The following FAM184A variants were observed in gnomAD, a reference collection of about 807,000 sequenced individuals.
The protein encoded by FAM184A is family with sequence similarity 184 member A, also known as protein FAM184A.
Under a neutral mutation model 143.8 loss-of-function variants are expected in FAM184A, and 99 were observed. The observed-to-expected ratio is 0.69, with a 90% CI of 0.58 to 0.81. The LOEUF (loss-of-function observed/expected upper bound fraction) is 0.81, where lower values mean the gene tolerates loss of function less well. Ranked by LOEUF, FAM184A falls within the 40% of genes least tolerant of loss-of-function variation. The pLI, the probability that FAM184A is intolerant of heterozygous loss-of-function variation, is 0.00. For missense variants in FAM184A, 1,217 were observed against 1,310.5 expected, an observed-to-expected ratio of 0.93 and a Z score of 1.10; for synonymous variants, 427 against 446.4, an observed-to-expected ratio of 0.96 and a Z score of 0.55.
chr6:119,011,183 T>C, intron 6 of FAM184A, 126 bp downstream of exon 6: 1 of 784,886 alleles, frequency 1.3e-6, no homozygotes, highest in Non-Finnish European at 1.9e-6. Flanking sequence ...CCAATTAAAG[T>C]TTTTAAATTA....
At chr6:118,981,175 T>C (rs1173320684) in intron 9 of FAM184A, among the ~76,000 whole-genome samples, 1 of 152,182 alleles carries the variant, frequency 6.6e-6, no homozygotes, top group East Asian at 1.9e-4. Flanking sequence ...AAATTAAGTA[T>C]TTTGGGAAGA....
At chr6:119,076,844 T>G (rs1441801126) in intron 1 of FAM184A, among the ~76,000 whole-genome samples, 1 of 152,200 alleles carries the variant, frequency 6.6e-6, no homozygotes, top group Non-Finnish European at 1.5e-5. Context: ...TAGATTTTCC[T>G]TTCTCTGAAT....
intron 1 of FAM184A, among the ~76,000 whole-genome samples, chr6:119,110,531 C>T (rs1334054297): frequency 2.0e-5 from 3 of 151,360 alleles, no homozygotes; most frequent in Non-Finnish European, 2.9e-5. Flanking sequence ...TATTTGTAGG[C>T]AAAAAAGTGA....
At chr6:119,136,300 A>AC (rs1471364128) in intron 1 of FAM184A, among the ~76,000 whole-genome samples, 2 of 151,606 alleles carry the variant, frequency 1.3e-5, no homozygotes, top group African/African-American at 4.8e-5. Flanking sequence ...AAAAAAAAAA[A>AC]AAAAAAAGAA....
chr6:119,117,887 T>A (rs183370722), intron 1 of FAM184A, among the ~76,000 whole-genome samples: 8 of 151,962 alleles, frequency 5.3e-5, no homozygotes, highest in African/African-American at 1.9e-4. Flanking sequence ...CAGGCAGGGG[T>A]GGGGGTATCC....
At chr6:119,105,037 C>T (rs1037896438) in intron 1 of FAM184A, among the ~76,000 whole-genome samples, 1 of 152,034 alleles carries the variant, frequency 6.6e-6, no homozygotes, top group Non-Finnish European at 1.5e-5. Context: ...TTGAGGCCAT[C>T]AAAGCCAAGG....
At chr6:119,075,052 T>A (rs1787825336) in intron 1 of FAM184A, among the ~76,000 whole-genome samples, 1 of 152,248 alleles carries the variant, frequency 6.6e-6, no homozygotes, top group African/African-American at 2.4e-5. Context: ...TATATTGAGC[T>A]TTGCTATGGG....
At chr6:119,096,002 C>G (rs911378480) in intron 1 of FAM184A, among the ~76,000 whole-genome samples, 1 of 152,108 alleles carries the variant, frequency 6.6e-6, no homozygotes, top group Admixed American at 6.5e-5. Flanking sequence ...TGGACTTTGG[C>G]AAGATTCTTC....
intron 7 of FAM184A, chr6:119,005,243 C>T (rs1784885262): frequency 1.3e-5 from 2 of 151,974 alleles, no homozygotes; most frequent in South Asian, 4.2e-4. Flanking sequence ...TATATTAACA[C>T]TGTCATATCA....
intron 9 of FAM184A, among the ~76,000 whole-genome samples, chr6:119,000,535 CT>C (rs1362499204): frequency 6.6e-6 from 1 of 152,114 alleles, no homozygotes; most frequent in Non-Finnish European, 1.5e-5. Context: ...AAATTTTATG[CT>C]TTTAATGCTC....
In FAM184A at chr6:118,980,242, G is replaced by T. The variant is rs762127549; in HGVS notation, c.2197C>A (p.Leu733Ile). 33 of 1,613,918 alleles carry T rather than the reference G, an allele frequency of 2.0e-5. No homozygotes were observed. The highest frequency in any genetic ancestry group is 2.8e-5 in the Non-Finnish European group (33 of 1,179,992). The part of the protein sequence containing the change: ...TQERQRLTQE[L>I]EELEEQHQQR... Reference sequence around the variant, plus strand: ...TGATGTTGCTCCTCTAATTCTTCAAGCTCTTGCGTAAGCCGCTGTCGTTCT... The same window carrying T: ...TGATGTTGCTCCTCTAATTCTTCAATCTCTTGCGTAAGCCGCTGTCGTTCT... Residue 733 changes from leucine to isoleucine, a missense_variant, in exon 10 of 18, where the codon CTT (leucine) becomes ATT (isoleucine). By Grantham distance (5) the Leu-to-Ile change is conservative. Transcript: ENST00000338891.
At chr6:118,998,055 G>A (rs924132271) in intron 9 of FAM184A, among the ~76,000 whole-genome samples, 1 of 152,066 alleles carries the variant, frequency 6.6e-6, no homozygotes, top group African/African-American at 2.4e-5. Flanking sequence ...CTCTATGATT[G>A]TAAAATCAAT....
chr6:119,136,069 G>C (rs1358375469), intron 1 of FAM184A, among the ~76,000 whole-genome samples: 1 of 149,790 alleles, frequency 6.7e-6, no homozygotes, highest in African/African-American at 2.4e-5. Context: ...ATGAGGTCAG[G>C]AGATCGAGAC....
In FAM184A at chr6:119,068,622, C is replaced by T. The variant is rs540650623; in HGVS notation, c.159+9519G>A. On this transcript the variant is annotated intron_variant, in intron 1 of 17. Coordinates refer to ENST00000338891, the MANE Select transcript of FAM184A (RefSeq NM_024581.6). ...CTAACTTACTGAACCACACCTCTGA[C>T]CCATATGATGGGCACTGCTGCCTCA... Among the ~76,000 whole-genome samples, 12 of 152,306 alleles carry T rather than the reference C, an allele frequency of 7.9e-5. No homozygotes were observed. In the South Asian group the frequency reaches 2.5e-3, roughly 32 times the overall value.
intron 1 of FAM184A, among the ~76,000 whole-genome samples, chr6:119,049,737 G>A (rs779872367): frequency 3.9e-5 from 6 of 152,186 alleles, no homozygotes; most frequent in Non-Finnish European, 8.8e-5. Context: ...AACTCTGGAA[G>A]ATAACCTAGG....
rs371731263 is a variant in FAM184A at position 118,991,836 on chromosome 6, C to G, written c.2088+11063G>C. Among the ~76,000 whole-genome samples the G allele has an allele frequency of 6.4e-5, 9 of 139,574 alleles. No homozygotes were observed. In the East Asian group the frequency reaches 1.7e-3, roughly 27 times the overall value. 91.6% of individuals were successfully genotyped at this position (139,574 alleles called of 152,430 possible). ...GAAGTGCAGTGGTATGATCTCGGCT[C>G]TCTGCAAGCTCCGCCTCCCGGGTTC... On this transcript the variant is annotated intron_variant, in intron 9 of 17. Transcript: ENST00000338891.
chr6:119,143,782 G>A (rs1447259107), intron 1 of FAM184A, among the ~76,000 whole-genome samples: 1 of 152,142 alleles, frequency 6.6e-6, no homozygotes, highest in Non-Finnish European at 1.5e-5. Flanking sequence ...TGAGAATTAG[G>A]AATTATTTAA....
intron 1 of FAM184A, among the ~76,000 whole-genome samples, chr6:119,115,717 C>A (rs764232679): frequency 6.6e-6 from 1 of 151,458 alleles, no homozygotes; most frequent in African/African-American, 2.4e-5. Context: ...AGTCTCAGTA[C>A]TTTGGGAGGC....
chr6:119,008,316 T>C (rs1367573887), intron 6 of FAM184A, among the ~76,000 whole-genome samples: 2 of 152,230 alleles, frequency 1.3e-5, no homozygotes, highest in Non-Finnish European at 2.9e-5. Context: ...TTTGTTTGTA[T>C]GTGGATTGGT....
Sources: gnomAD v4.1 joint callset for allele counts (sites outside exome capture counted in the v4.1 genomes callset) on GRCh38, gnomAD v4.1.1 for gene constraint, MANE v1.5 for transcripts, NCBI Gene and HGNC (gene_info 2026-07-23, HGNC 2026-07-21) for gene names.